Variants in NBAS observed in about 807,000 individuals in gnomAD.
NBAS encodes the protein NBAS subunit of NRZ tethering complex.
Under a neutral mutation model 302.5 loss-of-function variants are expected in NBAS, and 219 were observed. The ratio of observed to expected loss-of-function variants is 0.72; its 90% confidence interval spans 0.65 to 0.81. The LOEUF (loss-of-function observed/expected upper bound fraction) is 0.81, where lower values mean the gene tolerates loss of function less well. NBAS is among the 30% of genes least tolerant of loss of function. The pLI, the probability that NBAS is intolerant of heterozygous loss-of-function variation, is 0.00. For missense variants in NBAS, 2,932 were observed against 2,841.6 expected, an observed-to-expected ratio of 1.03 and a Z score of -0.72; for synonymous variants, 1,118 against 1,021.6, an observed-to-expected ratio of 1.09 and a Z score of -1.80.
rs1160644174 is a variant in NBAS, at chr2:15,352,210, TA to T, written c.4090-130del. 17 of 684,148 alleles carry T rather than the reference TA, an allele frequency of 2.5e-5. No individual in the cohort carries two copies. In the African/African-American group the frequency reaches 2.7e-4, roughly 11 times the overall value. 42.4% of individuals were successfully genotyped at this position (684,148 alleles called of 1,614,324 possible). ...ACCTTTTCATAATGATTAGTTTTGG[TA>T]ACAGGCTTACTTCAGGACTTCACAA... On this transcript the variant is annotated intron_variant, in intron 34 of 51. Transcript: ENST00000281513.
intron 11 of NBAS, among the ~76,000 whole-genome samples, chr2:15,489,325 C>A (rs1183204070): frequency 6.6e-6 from 1 of 152,024 alleles, no homozygotes; most frequent in Non-Finnish European, 1.5e-5. Context: ...ATATCAATTA[C>A]CATGAATTCT....
the NBAS span, among the ~76,000 whole-genome samples, chr2:14,801,946 C>T: frequency 3.6e-3 from 512 of 143,896 alleles, 1 homozygote; most frequent in Middle Eastern, 0.01. Context: ...GAGTAGGTTG[C>T]GAAAATTTTC....
At chr2:15,503,858 T>C (rs1047645287) in intron 11 of NBAS, among the ~76,000 whole-genome samples, 2 of 152,186 alleles carry the variant, frequency 1.3e-5, no homozygotes, top group African/African-American at 4.8e-5. Flanking sequence ...GATATGTATA[T>C]AATGTTTCTA....
At chr2:15,131,946 G>C in the NBAS span, among the ~76,000 whole-genome samples, 1 of 152,132 alleles carries the variant, frequency 6.6e-6, no homozygotes, top group Non-Finnish European at 1.5e-5. Context: ...CTATCAGGAG[G>C]ACAGCACCAA....
chr2:15,332,117 C>T (rs1004130588), intron 35 of NBAS, among the ~76,000 whole-genome samples: 13 of 152,076 alleles, frequency 8.5e-5, no homozygotes, highest in Admixed American at 1.3e-4. Context: ...AGCCATCAGG[C>T]GACATCCAGC....
At chr2:14,989,665 T>A in the NBAS span, among the ~76,000 whole-genome samples, 1 of 152,194 alleles carries the variant, frequency 6.6e-6, no homozygotes, top group Admixed American at 6.5e-5. Flanking sequence ...CCTCAGAAGA[T>A]ATTGACATTG....
At chr2:15,383,020 T>C (rs1643825993) in intron 29 of NBAS, among the ~76,000 whole-genome samples, 195 bp downstream of exon 29, 1 of 152,144 alleles carries the variant, frequency 6.6e-6, no homozygotes, top group African/African-American at 2.4e-5. Flanking sequence ...ACAGATAGTG[T>C]TGCAATGAAA....
the NBAS span, among the ~76,000 whole-genome samples, chr2:15,055,878 C>G: frequency 6.6e-6 from 1 of 152,082 alleles, no homozygotes; most frequent in Non-Finnish European, 1.5e-5. Flanking sequence ...CAGCAGATCC[C>G]AAAATGCAGT....
intron 51 of NBAS, among the ~76,000 whole-genome samples, chr2:15,168,718 C>T (rs902829442): frequency 2.3e-4 from 35 of 152,256 alleles, no homozygotes; most frequent in Admixed American, 1.4e-3. Context: ...CAACCTCCTC[C>T]TCTTGGGTTC....
At chr2:14,857,981 ATAATC>A in the NBAS span, among the ~76,000 whole-genome samples, 1 of 152,184 alleles carries the variant, frequency 6.6e-6, no homozygotes, top group African/African-American at 2.4e-5. Flanking sequence ...TATAGGAAAA[ATAATC>A]TAATAATCTG....
chr2:15,143,109 G>C, the NBAS span, among the ~76,000 whole-genome samples: 1 of 152,326 alleles, frequency 6.6e-6, no homozygotes, highest in East Asian at 1.9e-4. Flanking sequence ...AAATAGATCA[G>C]AAGATCTGGA....
At chr2:14,874,113 C>T in the NBAS span, among the ~76,000 whole-genome samples, 1 of 152,012 alleles carries the variant, frequency 6.6e-6, no homozygotes, top group Non-Finnish European at 1.5e-5. Context: ...AGTCATGAGA[C>T]ATTTCTACAG....
chr2:15,133,328 G>T, the NBAS span, among the ~76,000 whole-genome samples: 18 of 152,092 alleles, frequency 1.2e-4, 1 homozygote, highest in East Asian at 2.7e-3. Context: ...AGCGGGGGGG[G>T]GGCAGGGAAG....
the NBAS span, among the ~76,000 whole-genome samples, chr2:15,059,164 GT>G: frequency 6.6e-6 from 1 of 152,158 alleles, no homozygotes; most frequent in Non-Finnish European, 1.5e-5. Flanking sequence ...GCAGAGGAAC[GT>G]GGATTCTTGT....
At chr2:14,836,881 T>TA in the NBAS span, among the ~76,000 whole-genome samples, 1 of 151,840 alleles carries the variant, frequency 6.6e-6, no homozygotes, top group Non-Finnish European at 1.5e-5. Flanking sequence ...CTAGAGGTCT[T>TA]ACACATCTTA....
At chr2:15,193,312 A>G (rs1282950283) in intron 48 of NBAS, among the ~76,000 whole-genome samples, 2 of 152,146 alleles carry the variant, frequency 1.3e-5, no homozygotes, top group Admixed American at 6.6e-5. Flanking sequence ...ATACTCCATC[A>G]TATCAAAGCG....
intron 38 of NBAS, among the ~76,000 whole-genome samples, chr2:15,315,017 C>T (rs1671442532): frequency 6.6e-6 from 1 of 152,068 alleles, no homozygotes; most frequent in African/African-American, 2.4e-5. Context: ...GTGGGTTGGG[C>T]GTGTGCTGGG....
At chr2:15,321,227 C>T (rs1205041419) in intron 38 of NBAS, among the ~76,000 whole-genome samples, 3 of 152,188 alleles carry the variant, frequency 2.0e-5, no homozygotes, top group Admixed American at 6.5e-5. Flanking sequence ...TTCTTTACAC[C>T]TTATACAAAA....
the NBAS span, among the ~76,000 whole-genome samples, chr2:15,034,292 GAAAGAA>G: frequency 1.5e-3 from 147 of 96,430 alleles, no homozygotes; most frequent in Non-Finnish European, 2.9e-3. Flanking sequence ...AAGAAAGAAA[GAAAGAA>G]AGAAAGATGG....
Sources: gnomAD v4.1 joint callset for allele counts (sites outside exome capture counted in the v4.1 genomes callset) on GRCh38, gnomAD v4.1.1 for gene constraint, MANE v1.5 for transcripts, NCBI Gene and HGNC (gene_info 2026-07-23, HGNC 2026-07-21) for gene names.